SKOR2: variants seen among roughly 807,000 people sequenced by gnomAD.
The protein encoded by SKOR2 is LBX1 corepressor 1-like protein.
In SKOR2, 47 loss-of-function variants were observed where a neutral mutation model predicts 69.1. The ratio of observed to expected loss-of-function variants is 0.68; its 90% CI spans 0.54 to 0.87. The LOEUF is 0.87. Ranked by LOEUF, SKOR2 falls within the 40% of genes least tolerant of loss-of-function variation. The probability of loss-of-function intolerance (pLI) is 0.00; values close to 1 mark genes in which losing one functional copy is unlikely to be tolerated. For missense variants in SKOR2, 1,404 were observed against 1,472.2 expected, an observed-to-expected ratio of 0.95 and a Z score of 0.76; for synonymous variants, 717 against 672.6, an observed-to-expected ratio of 1.07 and a Z score of -1.02.
At chr18:47,240,351 G>T (rs2064243472) in intron 4 of SKOR2, among the ~76,000 whole-genome samples, 1 of 152,120 alleles carries the variant, frequency 6.6e-6, no homozygotes. Flanking sequence ...ATTCAAAATG[G>T]AAATGCAAAA....
intron 8 of SKOR2, among the ~76,000 whole-genome samples, chr18:47,209,980 G>A (rs956631545): frequency 6.6e-6 from 1 of 152,082 alleles, no homozygotes; most frequent in Non-Finnish European, 1.5e-5. Context: ...ATAATGCTGA[G>A]ATAGGAGGAT....
intron 7 of SKOR2, among the ~76,000 whole-genome samples, chr18:47,217,160 G>A (rs1417124334): frequency 6.6e-6 from 1 of 152,186 alleles, no homozygotes; most frequent in Non-Finnish European, 1.5e-5. Context: ...CTAGCCGGAT[G>A]GGCATGGTGG....
intron 7 of SKOR2, among the ~76,000 whole-genome samples, chr18:47,218,416 C>T (rs1366559865): frequency 6.6e-6 from 1 of 151,602 alleles, no homozygotes. Context: ...ACAGAAAGAC[C>T]CTGTCTCAAC....
Position 47,248,722 on chromosome 18 carries a change from G to C in SKOR2, c.462C>G (p.Gly154=). 1.3e-6 allele frequency: 2 copies of C among 1,555,426 alleles called. No individual in the cohort carries two copies. Among genetic ancestry groups the C allele is most frequent in the Non-Finnish European group, 1.7e-6 (2 of 1,156,806 alleles). The change falls in exon 2 of 9, where the codon GGC becomes GGG. Residue 154 remains glycine (G), a synonymous_variant. Transcript: ENST00000425639. The surrounding 1 kb of genome is among the most constrained non-coding windows in gnomAD (Gnocchi z 6.4). ...GCGCGGGAATGAAGCTGCCGCGGCA[G>C]CCCCAGGCGCACTCGTGTGACACGT... The part of the protein sequence containing the change: ...AFDVSHECAW[G]CRGSFIPARY...
intron 4 of SKOR2, among the ~76,000 whole-genome samples, chr18:47,239,780 T>C (rs1160632676): frequency 2.0e-5 from 3 of 152,222 alleles, no homozygotes; most frequent in African/African-American, 7.2e-5. Context: ...TGAATCCATG[T>C]ATTGAAAGAC....
intron 6 of SKOR2, among the ~76,000 whole-genome samples, chr18:47,221,821 A>T (rs74785309): frequency 0.014 from 2,183 of 152,326 alleles, 17 homozygotes; most frequent in Non-Finnish European, 0.022. Context: ...CACTTTAAAA[A>T]TTTTTAAGGC....
intron 2 of SKOR2, among the ~76,000 whole-genome samples, 151 bp from the exon 3 acceptor site, chr18:47,245,712 T>A (rs1224284429): frequency 6.6e-6 from 1 of 152,166 alleles, no homozygotes; most frequent in East Asian, 1.9e-4. Flanking sequence ...AATACTTTTT[T>A]ACTTAAATAC....
At chr18:47,210,508 C>G (rs2064124837) in intron 8 of SKOR2, among the ~76,000 whole-genome samples, 1 of 152,102 alleles carries the variant, frequency 6.6e-6, no homozygotes, top group Non-Finnish European at 1.5e-5. Flanking sequence ...ACATTTTCAA[C>G]CATTATACAT....
At position 47,248,425 on chromosome 18, in the gene SKOR2, G is replaced by T; in HGVS notation, c.759C>A (p.Cys253Ter). Residue 253 changes from cysteine (C) to a stop codon, truncating the protein, a stop_gained, in exon 2 of 9, where the codon TGC becomes TGA. Coordinates refer to ENST00000425639, the MANE Select transcript of SKOR2 (RefSeq NM_001278063.4). LOFTEE classifies it high-confidence loss of function. This position sits in a 1 kb window ranked among gnomAD's most constrained non-coding sequence, Gnocchi z 6.4. ...CCGCCTTCACAGAGCTGAGCGGGTG[G>T]CAGGCGGGGTGCGCGCCCGGCTGGG... ...ALPQPGAHPA[C>*]HPLSSVKAAA... The T allele has an allele frequency of 6.5e-7, 1 of 1,532,654 alleles. No individual in the cohort carries two copies. The highest frequency in any genetic ancestry group is 8.7e-7 in the Non-Finnish European group (1 of 1,144,964). 94.9% of individuals were successfully genotyped at this position (1,532,654 alleles called of 1,614,324 possible).
Position 47,245,495 on chromosome 18 carries a change from T to TTTTTTTTTTTTTTTTTTTTTTTTG in SKOR2, c.2677+2_2677+3insCAAAAAAAAAAAAAAAAAAAAAAA. Reference sequence around the variant, plus strand: ...GGCAGCTGATTTTTTTTTTTTTTTTTACCTGAAAAGCTGTTGTCATCCTTT... The same window carrying TTTTTTTTTTTTTTTTTTTTTTTTG: ...GGCAGCTGATTTTTTTTTTTTTTTTTTTTTTTTTTTTTTTTTTTTTTTTGACCTGAAAAGCTGTTGTCATCCTTT... On this transcript the variant is annotated splice_region_variant and intron_variant, in intron 3 of 8. Coordinates refer to ENST00000425639, the MANE Select transcript of SKOR2 (RefSeq NM_001278063.4). 6.8e-7 allele frequency: 1 copy of TTTTTTTTTTTTTTTTTTTTTTTTG among 1,470,348 alleles called. No individual in the cohort carries two copies. 91.1% of individuals were successfully genotyped at this position (1,470,348 alleles called of 1,614,324 possible).
At chr18:47,213,784 C>T (rs1322916582) in intron 7 of SKOR2, among the ~76,000 whole-genome samples, 1 of 152,110 alleles carries the variant, frequency 6.6e-6, no homozygotes, top group Non-Finnish European at 1.5e-5. Context: ...CTGAGATCAG[C>T]TAGATAACTA....
rs1382848543 is a variant in SKOR2 at position 47,248,083 on chromosome 18, C to CCCCGCG, written c.1095_1100dup (p.Gly373_Ala374dup). ...CTTTGGCCCCTGCCCCGGCACCCGC[C>CCCCGCG]CCCGCGCCCGCGCCCACGCCCACGC... On this transcript the variant is annotated inframe_insertion, in exon 2 of 9. Transcript: ENST00000425639. The surrounding 1 kb of genome is among the most constrained non-coding windows in gnomAD (Gnocchi z 6.4). 7.4e-5 allele frequency: 102 copies of CCCCGCG among 1,385,816 alleles called. No individual in the cohort carries two copies. Among genetic ancestry groups the CCCCGCG allele is most frequent in the Non-Finnish European group, 8.6e-5 (92 of 1,071,790 alleles). The allele number at this position is 1,385,816 out of a possible 1,614,324, so 85.8% of individuals were successfully genotyped here. A position where few individuals can be genotyped will look rare whatever the true frequency, so the allele number is the denominator to read the frequency against.
intron 6 of SKOR2, among the ~76,000 whole-genome samples, chr18:47,224,196 C>G (rs1236904267): frequency 1.3e-5 from 2 of 152,108 alleles, no homozygotes; most frequent in East Asian, 3.9e-4. Flanking sequence ...GATGAGCCAC[C>G]ACGCCCGACC....
chr18:47,234,184 T>C (rs2064211285), intron 4 of SKOR2, among the ~76,000 whole-genome samples: 1 of 152,176 alleles, frequency 6.6e-6, no homozygotes, highest in South Asian at 2.1e-4. Context: ...AGATTGTTAA[T>C]GGTGGTTAAA....
chr18:47,231,393 G>A (rs1038735041), intron 4 of SKOR2, among the ~76,000 whole-genome samples: 1 of 152,114 alleles, frequency 6.6e-6, no homozygotes, highest in African/African-American at 2.4e-5. Flanking sequence ...AGGAAGCTTG[G>A]TTTGAATGGA....
Position 47,251,460 on chromosome 18 carries a change from G to C in SKOR2, c.-134C>G, listed in dbSNP as rs1248949596. 1 of 152,352 alleles carries C rather than the reference G, an allele frequency of 6.6e-6. No individual in the cohort carries two copies. Among genetic ancestry groups the C allele is most frequent in the African/African-American group, 2.4e-5 (1 of 41,474 alleles). The allele number at this position is 152,352 out of a possible 1,614,324, so 9.4% of individuals were successfully genotyped here. ...AGGCGAAGCATCCAAGCGGGTCCTC[G>C]TATCCAGCGGGCGGGACTCTGGCGG... On this transcript the variant is annotated 5_prime_UTR_variant, in exon 1 of 9. Coordinates refer to ENST00000425639, the MANE Select transcript of SKOR2 (RefSeq NM_001278063.4).
chr18:47,247,779 T>G lies in SKOR2; in HGVS notation c.1405A>C (p.Met469Leu), dbSNP rs1336713572. 3.6e-6 allele frequency: 5 copies of G among 1,395,524 alleles called. No individual in the cohort carries two copies. Among genetic ancestry groups the G allele is most frequent in the Non-Finnish European group, 4.6e-6 (5 of 1,083,152 alleles). 86.4% of individuals were successfully genotyped at this position (1,395,524 alleles called of 1,614,324 possible). The change falls in exon 2 of 9, where the codon ATG (methionine) becomes CTG (leucine). Residue 469 changes from methionine to leucine, a missense_variant. This residue lies in a region of SKOR2 where 1,266 missense variants were observed against 1,309.9 expected (regional missense o/e 0.97). Coordinates refer to ENST00000425639, the MANE Select transcript of SKOR2 (RefSeq NM_001278063.4). The surrounding 1 kb of genome is among the most constrained non-coding windows in gnomAD (Gnocchi z 6.6). ...RKDAFYPPFC[M>L]FWPPRTPGGL... ...CCAGGGGTCCGCGGCGGCCAGAACATGCAGAAGGGCGGATAGAAGGCGTCC... is the reference window on the plus strand; with the variant it reads ...CCAGGGGTCCGCGGCGGCCAGAACAGGCAGAAGGGCGGATAGAAGGCGTCC...
intron 6 of SKOR2, among the ~76,000 whole-genome samples, chr18:47,229,118 G>A (rs2064188269): frequency 6.6e-6 from 1 of 152,156 alleles, no homozygotes; most frequent in African/African-American, 2.4e-5. Context: ...TGCTACCTAA[G>A]TGTGTCATTC....
chr18:47,239,071 T>TA (rs2144505895), intron 4 of SKOR2, among the ~76,000 whole-genome samples: 1 of 152,354 alleles, frequency 6.6e-6, no homozygotes, highest in East Asian at 1.9e-4. Flanking sequence ...CTGATACTCT[T>TA]AGAGGTATAA....
Sources: gnomAD v4.1 joint callset for allele counts (sites outside exome capture counted in the v4.1 genomes callset) on GRCh38, gnomAD v4.1.1 for gene constraint, gnomAD v4.1.1 regional missense constraint, Gnocchi (gnomAD v3.1) non-coding constraint, MANE v1.5 for transcripts, NCBI Gene and HGNC (gene_info 2026-07-23, HGNC 2026-07-21) for gene names.